The following CAMK1D variants were observed in gnomAD, a reference collection of about 807,000 sequenced individuals.
The protein encoded by CAMK1D is calcium/calmodulin-dependent protein kinase type 1D.
Under a neutral mutation model 47.7 loss-of-function variants are expected in CAMK1D, and 9 were observed. That is an observed-to-expected ratio of 0.19 (90% confidence interval 0.11 to 0.33). The LOEUF (loss-of-function observed/expected upper bound fraction) is 0.33. Ranked by LOEUF, CAMK1D falls within the 10% of genes least tolerant of loss-of-function variation. CAMK1D has a pLI of 1.00. For missense variants in CAMK1D, 291 were observed against 488.7 expected (o/e 0.60, Z 3.81); for synonymous variants, 184 against 184.9 (o/e 0.99, Z 0.04).
chr10:12,637,638 G>A (rs1252789223), intron 2 of CAMK1D, among the ~76,000 whole-genome samples: 1 of 146,686 alleles, frequency 6.8e-6, no homozygotes, highest in African/African-American at 2.5e-5. Flanking sequence ...GGAGGGCGGG[G>A]GTGGGAAGTA....
chr10:12,634,637 C>G (rs1364442759), intron 2 of CAMK1D, among the ~76,000 whole-genome samples: 1 of 152,188 alleles, frequency 6.6e-6, no homozygotes, highest in East Asian at 1.9e-4. Flanking sequence ...AGACAGCCCC[C>G]CAGAGCCGCC....
At chr10:12,677,158 G>A (rs1258654840) in intron 3 of CAMK1D, among the ~76,000 whole-genome samples, 1 of 152,160 alleles carries the variant, frequency 6.6e-6, no homozygotes, top group Non-Finnish European at 1.5e-5. Context: ...TTCCCTGTTT[G>A]TGGGGGTCAC....
At chr10:12,443,107 A>G (rs184853318) in intron 1 of CAMK1D, among the ~76,000 whole-genome samples, 11 of 152,298 alleles carry the variant, frequency 7.2e-5, no homozygotes, top group African/African-American at 2.6e-4. Flanking sequence ...TCAGAAATAT[A>G]TTTATCCATG....
At chr10:12,604,697 T>G (rs1354284365) in intron 2 of CAMK1D, among the ~76,000 whole-genome samples, 1 of 152,168 alleles carries the variant, frequency 6.6e-6, no homozygotes, top group Non-Finnish European at 1.5e-5. Flanking sequence ...GGAATGTATA[T>G]CCATCATCTG....
intron 1 of CAMK1D, among the ~76,000 whole-genome samples, chr10:12,492,115 T>G (rs964506639): frequency 7.0e-6 from 1 of 143,674 alleles, no homozygotes; most frequent in Non-Finnish European, 1.6e-5. Flanking sequence ...GGAGGCTTAA[T>G]TTTTTTGTTT....
intron 2 of CAMK1D, among the ~76,000 whole-genome samples, chr10:12,576,694 C>T (rs1837498443): frequency 6.6e-6 from 1 of 152,156 alleles, no homozygotes. Context: ...CTTTTGCCAC[C>T]AATGATCTGA....
chr10:12,407,135 C>T (rs986853502), intron 1 of CAMK1D, among the ~76,000 whole-genome samples: 1 of 152,224 alleles, frequency 6.6e-6, no homozygotes, highest in East Asian at 1.9e-4. Context: ...TCTTCCTGCA[C>T]AGCCACCCTC....
chr10:12,455,920 G>A (rs45441603), intron 1 of CAMK1D, among the ~76,000 whole-genome samples: 3,380 of 152,236 alleles, frequency 0.022, 47 homozygotes, highest in Non-Finnish European at 0.036. Context: ...TAGCCAGTTC[G>A]TGCCAGTATG....
intron 1 of CAMK1D, among the ~76,000 whole-genome samples, chr10:12,359,676 T>G (rs902268083): frequency 6.6e-6 from 1 of 152,206 alleles, no homozygotes; most frequent in Non-Finnish European, 1.5e-5. Flanking sequence ...CATGCTTTTC[T>G]TTTTGGAAAA....
intron 1 of CAMK1D, among the ~76,000 whole-genome samples, chr10:12,376,349 A>C (rs1838181593): frequency 6.6e-6 from 1 of 152,006 alleles, no homozygotes; most frequent in South Asian, 2.1e-4. Context: ...TGACTAAAAG[A>C]ATAAGTCAGA....
At chr10:12,670,603 A>G (rs1268026065) in intron 3 of CAMK1D, among the ~76,000 whole-genome samples, 1 of 151,870 alleles carries the variant, frequency 6.6e-6, no homozygotes, top group Non-Finnish European at 1.5e-5. Flanking sequence ...GGCGGAGTGC[A>G]ATGGCGTGAT....
At chr10:12,465,770 C>T (rs901163478) in intron 1 of CAMK1D, among the ~76,000 whole-genome samples, 1 of 152,174 alleles carries the variant, frequency 6.6e-6, no homozygotes, top group African/African-American at 2.4e-5. Context: ...TGGTATTACT[C>T]CACATTACAG....
chr10:12,579,334 C>G (rs1046949363), intron 2 of CAMK1D, among the ~76,000 whole-genome samples: 3 of 152,120 alleles, frequency 2.0e-5, no homozygotes, highest in Non-Finnish European at 2.9e-5. Flanking sequence ...TGTGTTGGGC[C>G]CCGTGGCCTT....
intron 6 of CAMK1D, among the ~76,000 whole-genome samples, chr10:12,807,023 A>G (rs1429824435): frequency 6.6e-6 from 1 of 152,062 alleles, no homozygotes; most frequent in African/African-American, 2.4e-5. Context: ...GAGCTGAGTG[A>G]TCTTATCTAC....
chr10:12,553,372 C>T lies in CAMK1D; in HGVS notation c.224+16C>T, dbSNP rs1352405071. 1.9e-6 allele frequency: 3 copies of T among 1,567,732 alleles called. No homozygotes were observed. The highest frequency in any genetic ancestry group is 2.6e-6 in the Non-Finnish European group (3 of 1,137,848). ...TCCTGAGAAAGTAAGTGCTGGAGGG[C>T]AACCCTCCTCCCTTCCCTACCTCCT... is the stretch of plus-strand genomic sequence containing the variant. On this transcript the variant is annotated intron_variant, in intron 2 of 10. Transcript: ENST00000619168.
rs987072819 is a variant in CAMK1D at position 12,536,783 on chromosome 10, C to T, written c.93-16442C>T. On this transcript the variant is annotated intron_variant, in intron 1 of 10. Coordinates refer to ENST00000619168, the MANE Select transcript of CAMK1D (RefSeq NM_153498.4). ...GAAGAAATACTGTATCTTTTGGTAA[C>T]CTTTTTTTCAATTGTAATTATGTTT... Among the ~76,000 whole-genome samples, 8 of 152,188 alleles carry T rather than the reference C, an allele frequency of 5.3e-5. No homozygotes were observed. In the South Asian group the frequency reaches 6.2e-4, roughly 12 times the overall value.
intron 3 of CAMK1D, among the ~76,000 whole-genome samples, chr10:12,669,806 CT>C: frequency 6.6e-6 from 1 of 151,942 alleles, no homozygotes; most frequent in African/African-American, 2.4e-5. Context: ...TTGTGTCTGG[CT>C]TATTTCACTC....
At chr10:12,526,689 A>G (rs1285519449) in intron 1 of CAMK1D, among the ~76,000 whole-genome samples, 2 of 152,138 alleles carry the variant, frequency 1.3e-5, no homozygotes, top group Non-Finnish European at 2.9e-5. Flanking sequence ...AGGCTGAGGT[A>G]GGTGGATCGC....
chr10:12,753,945 C>T (rs1274193952), intron 3 of CAMK1D, among the ~76,000 whole-genome samples: 2 of 152,232 alleles, frequency 1.3e-5, no homozygotes, highest in East Asian at 3.9e-4. Context: ...GGCTGGAGTG[C>T]AGTGGTGTGA....
Sources: allele counts gnomAD v4.1 joint callset (sites outside exome capture counted in the v4.1 genomes callset), GRCh38; gene constraint gnomAD v4.1.1; transcripts MANE v1.5; gene names NCBI Gene and HGNC (gene_info 2026-07-23, HGNC 2026-07-21).